NUP98: variants seen among roughly 807,000 people sequenced by gnomAD.
NUP98 encodes the protein nucleoporin 98 and 96 precursor.
NUP98 carries 26 observed loss-of-function variants against 191.9 expected under a neutral mutation model. That is an observed-to-expected ratio of 0.14 (90% CI 0.10 to 0.19). The LOEUF is 0.19. Among genes scored for constraint, NUP98 ranks in the 10% least tolerant of loss-of-function variants. NUP98 has a pLI of 1.00. For synonymous variants in NUP98, 808 were observed against 778.4 expected, an observed-to-expected ratio of 1.04 and a Z score of -0.63; for missense variants, 1,941 against 2,178.8, an observed-to-expected ratio of 0.89 and a Z score of 2.17.
intron 25 of NUP98, among the ~76,000 whole-genome samples, chr11:3,698,047 TA>T (rs1418753241): frequency 1.3e-5 from 2 of 152,080 alleles, no homozygotes; most frequent in African/African-American, 2.4e-5. Flanking sequence ...TTTATAGTTT[TA>T]AAAAAAGTCT....
At chr11:3,721,676 G>A (rs953390687) in intron 16 of NUP98, among the ~76,000 whole-genome samples, 3 of 151,948 alleles carry the variant, frequency 2.0e-5, no homozygotes, top group Non-Finnish European at 4.4e-5. Flanking sequence ...TCCAGCCTGG[G>A]CAACCAAGAG....
At chr11:3,692,500 G>C (rs1052658998) in intron 27 of NUP98, among the ~76,000 whole-genome samples, 2 of 151,702 alleles carry the variant, frequency 1.3e-5, no homozygotes, top group Non-Finnish European at 2.9e-5. Context: ...AGTGGCACAT[G>C]CCTGTAGTCC....
intron 1 of NUP98, among the ~76,000 whole-genome samples, chr11:3,795,652 T>A (rs1158188185): frequency 4.6e-5 from 7 of 152,034 alleles, no homozygotes; most frequent in African/African-American, 7.2e-5. Flanking sequence ...AAAGATAAGA[T>A]GAAAATATTT....
At position 3,711,990 on chromosome 11, in the gene NUP98, C is replaced by A. The variant is rs1054136360; in HGVS notation, c.2742+574G>T. The A allele has an allele frequency of 5.5e-5, 57 of 1,045,564 alleles. No individual in the cohort carries two copies. In the African/African-American group the frequency reaches 8.7e-4, roughly 16 times the overall value. The allele number at this position is 1,045,564 out of a possible 1,614,324, so 64.8% of individuals were successfully genotyped here. A position where few individuals can be genotyped will look rare whatever the true frequency, so the allele number is the denominator to read the frequency against. The stretch of plus-strand genomic sequence containing the variant: ...CCCGTATCAATGATACAAGTAATTG[C>A]GATAAACAATGTAGGCCCTAATCTC... On this transcript the variant is annotated intron_variant, in intron 20 of 32. Transcript: ENST00000324932.
In NUP98 at chr11:3,723,247, C is replaced by T; in HGVS notation, c.2056G>A (p.Gly686Arg). The change falls in exon 16 of 33, where the codon GGA (glycine) becomes AGA (arginine). Residue 686 changes from glycine to arginine, a missense_variant. Gly to Arg is a moderately radical substitution (Grantham distance 125). Transcript: ENST00000324932. Reference protein sequence around the residue: ...MRAALRNGLEGSSEETSFHDE... With the variant: ...MRAALRNGLERSSEETSFHDE... ...TGAAAAGACGTTTCTTCACTGCTTC[C>T]TTCCAGCCCATTTCGCAAAGCAGCA... The T allele has an allele frequency of 4.3e-6, 7 of 1,614,142 alleles. No individual in the cohort carries two copies. Among genetic ancestry groups the T allele is most frequent in the Non-Finnish European group, 5.9e-6 (7 of 1,180,012 alleles).
Position 3,779,144 on chromosome 11 carries a change from T to A in NUP98, c.178+12A>T. 6.2e-7 allele frequency: 1 copy of A among 1,613,628 alleles called. No individual in the cohort carries two copies. Among genetic ancestry groups the A allele is most frequent in the Non-Finnish European group, 8.5e-7 (1 of 1,179,574 alleles). On this transcript the variant is annotated intron_variant, in intron 3 of 32. Transcript: ENST00000324932. ...ACAAACAAACCAGTTATATCACAAA[T>A]AAAGCCCCTACCTGGTTTAGTCTGT...
At position 3,735,337 on chromosome 11, in the gene NUP98, A is replaced by G. The variant is rs1464390402; in HGVS notation, c.1409-13T>C. On this transcript the variant is annotated splice_polypyrimidine_tract_variant and intron_variant, in intron 12 of 32. Coordinates refer to ENST00000324932, the MANE Select transcript of NUP98 (RefSeq NM_016320.5). ...GGATCTGTCAAAGCTTTTAAAAAAA[A>G]AAAAAGAAAACAAAATATATATATA... The G allele has an allele frequency of 9.1e-6, 13 of 1,424,046 alleles. No individual in the cohort carries two copies. Among genetic ancestry groups the G allele is most frequent in the Admixed American group, 7.3e-5 (3 of 41,128 alleles). The allele number at this position is 1,424,046 out of a possible 1,614,324, so 88.2% of individuals were successfully genotyped here.
rs550629607 is a variant in NUP98 at position 3,780,413 on chromosome 11, G to A, written c.77-1156C>T. Among the ~76,000 whole-genome samples, 731 of 150,244 alleles carry A rather than the reference G, an allele frequency of 4.9e-3. 6 individuals are homozygous for A. The highest frequency in any genetic ancestry group is 8.2e-3 in the Non-Finnish European group (556 of 67,514). On this transcript the variant is annotated intron_variant, in intron 2 of 32. Coordinates refer to ENST00000324932, the MANE Select transcript of NUP98 (RefSeq NM_016320.5). ...AAAAATTAGCCGGGCCTGGTGGAGG[G>A]TGCCTGTAGTCCCAGCTACCGGGGA...
In NUP98 at chr11:3,719,537, G is replaced by T. The variant is rs1304656342; in HGVS notation, c.2274C>A (p.Ile758=). Residue 758 remains isoleucine (I), a synonymous_variant, in exon 18 of 33, where the codon ATC becomes ATA. Transcript: ENST00000324932. ...FTIGRKGYGS[I]YFEGDVNLTN... ...TCAAATTCACATCTCCTTCAAAATAGATTGAACCATAACCTATAAATCAGA... is the reference window on the plus strand; with the variant it reads ...TCAAATTCACATCTCCTTCAAAATATATTGAACCATAACCTATAAATCAGA... The T allele has an allele frequency of 3.8e-6, 6 of 1,582,704 alleles. No homozygotes were observed. The highest frequency in any genetic ancestry group is 5.1e-6 in the Non-Finnish European group (6 of 1,167,846).
intron 11 of NUP98, among the ~76,000 whole-genome samples, chr11:3,748,331 C>T (rs1389248904): frequency 6.6e-6 from 1 of 152,042 alleles, no homozygotes; most frequent in African/African-American, 2.4e-5. Context: ...TTTGGAAGGC[C>T]GAGGCAGGAG....
intron 2 of NUP98, among the ~76,000 whole-genome samples, chr11:3,781,629 T>G (rs1279886062): frequency 6.6e-6 from 1 of 152,044 alleles, no homozygotes; most frequent in East Asian, 1.9e-4. Context: ...GGAGGGTTGA[T>G]GGGAATTAGA....
chr11:3,699,009 T>C, intron 25 of NUP98, 73 bp downstream of exon 25: 1 of 1,542,712 alleles, frequency 6.5e-7, no homozygotes, highest in East Asian at 2.3e-5. Context: ...AATGCACAAT[T>C]AGCGGGGAGC....
rs540875173 is a variant in NUP98, at chr11:3,695,806, C to T, written c.4010-200G>A. ...ATAGAAAATTTGCAAAGTAGTTTAA[C>T]CTAAATTACCTATAGACTGAATAGC... On this transcript the variant is annotated intron_variant, in intron 25 of 32. Transcript: ENST00000324932. 5.3e-4 allele frequency among the ~76,000 whole-genome samples: 80 copies of T among 152,144 alleles called. 1 individual carries two copies. In the Middle Eastern group the frequency reaches 0.01, roughly 19 times the overall value.
intron 22 of NUP98, among the ~76,000 whole-genome samples, chr11:3,704,947 T>C (rs991448004): frequency 6.6e-6 from 1 of 152,222 alleles, no homozygotes; most frequent in Non-Finnish European, 1.5e-5. Context: ...AGTTCAAGGC[T>C]GTAGTAAGTG....
chr11:3,786,499 AAT>A (rs1248407302), intron 1 of NUP98, among the ~76,000 whole-genome samples: 1 of 152,188 alleles, frequency 6.6e-6, no homozygotes, highest in Non-Finnish European at 1.5e-5. Context: ...AGAAAAATGA[AAT>A]AGTGTTATAT....
At chr11:3,755,702 C>T (rs568558702) in intron 10 of NUP98, among the ~76,000 whole-genome samples, 2 of 152,310 alleles carry the variant, frequency 1.3e-5, no homozygotes, top group African/African-American at 4.8e-5. Flanking sequence ...CAGTGGCTCA[C>T]GCCTGTAATC....
At chr11:3,772,885 C>T (rs533803052) in intron 6 of NUP98, among the ~76,000 whole-genome samples, 7 of 150,762 alleles carry the variant, frequency 4.6e-5, no homozygotes, top group African/African-American at 1.7e-4. Context: ...GGCTGAGGCA[C>T]GAGAATTGCT....
intron 30 of NUP98, among the ~76,000 whole-genome samples, chr11:3,682,141 A>G (rs12793302): frequency 0.09 from 13,688 of 152,244 alleles, 705 homozygotes; most frequent in South Asian, 0.17. Context: ...GCCTTCACAG[A>G]ACTGAAGGGA....
chr11:3,713,526 C>T (rs1418800183), intron 19 of NUP98, among the ~76,000 whole-genome samples: 3 of 152,138 alleles, frequency 2.0e-5, no homozygotes, highest in African/African-American at 7.2e-5. Flanking sequence ...GGAGACCAGC[C>T]TGGTCAACAC....
Sources: gnomAD v4.1 joint callset for allele counts (sites outside exome capture counted in the v4.1 genomes callset) on GRCh38, gnomAD v4.1.1 for gene constraint, MANE v1.5 for transcripts, NCBI Gene and HGNC (gene_info 2026-07-23, HGNC 2026-07-21) for gene names.